Variants in PEX5L observed in about 807,000 individuals in gnomAD.
The protein encoded by PEX5L is peroxisomal biogenesis factor 5 like.
Under a neutral mutation model 84.0 loss-of-function variants are expected in PEX5L, and 30 were observed. That is an observed-to-expected ratio of 0.36 (90% CI 0.27 to 0.48). PEX5L has a LOEUF of 0.48. Among genes scored for constraint, PEX5L ranks in the 20% least tolerant of loss-of-function variants. The pLI, the probability that PEX5L is intolerant of heterozygous loss-of-function variation, is 0.99. For missense variants in PEX5L, 533 were observed against 754.6 expected, an observed-to-expected ratio of 0.71 and a Z score of 3.44; for synonymous variants, 270 against 283.1, an observed-to-expected ratio of 0.95 and a Z score of 0.46.
chr3:179,923,465 G>T (rs931024018), intron 2 of PEX5L, among the ~76,000 whole-genome samples: 1 of 152,130 alleles, frequency 6.6e-6, no homozygotes, highest in Non-Finnish European at 1.5e-5. Flanking sequence ...AGCAGCCTCA[G>T]CATCAGCATC....
intron 1 of PEX5L, among the ~76,000 whole-genome samples, chr3:179,983,891 T>C (rs12492673): frequency 0.16 from 24,063 of 151,974 alleles, 2,232 homozygotes; most frequent in Admixed American, 0.24. Context: ...TATTGTATAA[T>C]GAAGTATGAC....
intron 1 of PEX5L, among the ~76,000 whole-genome samples, chr3:180,030,413 C>T (rs1356447958): frequency 6.6e-6 from 1 of 152,156 alleles, no homozygotes; most frequent in Non-Finnish European, 1.5e-5. Context: ...AACTTTTTAC[C>T]TTACCCTAAC....
intron 2 of PEX5L, among the ~76,000 whole-genome samples, chr3:179,951,314 T>C (rs1004952451): frequency 1.3e-5 from 2 of 152,192 alleles, no homozygotes; most frequent in Non-Finnish European, 2.9e-5. Flanking sequence ...CTTAGTAACA[T>C]GGTTTTCAGG....
intron 14 of PEX5L, among the ~76,000 whole-genome samples, chr3:179,802,550 A>AAAG (rs1553813981): frequency 0.082 from 10,586 of 129,714 alleles, 547 homozygotes; most frequent in African/African-American, 0.16. Context: ...AAAAAAAAAA[A>AAAG]AAAAGAAAAG....
At chr3:179,824,464 G>A (rs1319663864) in intron 8 of PEX5L, among the ~76,000 whole-genome samples, 1 of 152,150 alleles carries the variant, frequency 6.6e-6, no homozygotes, top group Non-Finnish European at 1.5e-5. Context: ...CCAAGACTTT[G>A]GGAGACTGAG....
At position 179,797,605 on chromosome 3, in the gene PEX5L, A is replaced by AAATATATATATATATATATATATAT. The variant is rs1553807980; in HGVS notation, c.*4222_*4223insATATATATATATATATATATATATT. On this transcript the variant is annotated 3_prime_UTR_variant, in exon 15 of 15. Coordinates refer to ENST00000467460, the MANE Select transcript of PEX5L (RefSeq NM_016559.3). ...AACACTCTTTAAAAAAAAAAAAAAA[A>AAATATATATATATATATATATATAT]ATATATATATATATATATATATATA... 1 of 89,160 alleles carries AAATATATATATATATATATATATAT rather than the reference A, an allele frequency of 1.1e-5. No homozygotes were observed. Among genetic ancestry groups the AAATATATATATATATATATATATAT allele is most frequent in the African/African-American group, 4.5e-5 (1 of 22,218 alleles). 5.5% of individuals were successfully genotyped at this position (89,160 alleles called of 1,614,324 possible). A position where few individuals can be genotyped will look rare whatever the true frequency, so the allele number is the denominator to read the frequency against.
intron 4 of PEX5L, 45 bp from the exon 5 acceptor site, chr3:179,880,168 G>C: frequency 8.2e-7 from 1 of 1,224,454 alleles, no homozygotes; most frequent in East Asian, 2.4e-5. Context: ...TTACTACTCT[G>C]AAATTATTTA....
At chr3:179,887,589 TA>T (rs1756301006) in intron 4 of PEX5L, 83 bp downstream of exon 4, 1 of 875,740 alleles carries the variant, frequency 1.1e-6, no homozygotes, top group Non-Finnish European at 1.9e-6. Context: ...TTTCCTCACT[TA>T]AAATGTATTA....
At chr3:180,021,193 G>A (rs989255712) in intron 1 of PEX5L, among the ~76,000 whole-genome samples, 5 of 152,122 alleles carry the variant, frequency 3.3e-5, no homozygotes, top group Admixed American at 2.0e-4. Flanking sequence ...TGGGTGACCC[G>A]GTCAGAGAGA....
chr3:179,954,531 T>C (rs1251081510), intron 2 of PEX5L, among the ~76,000 whole-genome samples: 1 of 152,140 alleles, frequency 6.6e-6, no homozygotes, highest in East Asian at 1.9e-4. Context: ...TTTTTGTTTG[T>C]TTGTTAATGT....
In PEX5L at chr3:179,874,732, T is replaced by TG. The variant is rs1553873283; in HGVS notation, c.630-310_630-309insC. 3.2e-4 allele frequency among the ~76,000 whole-genome samples: 21 copies of TG among 65,242 alleles called. 1 individual carries two copies. The highest frequency in any genetic ancestry group is 6.6e-4 in the South Asian group (1 of 1,510). The allele number at this position is 65,242 out of a possible 152,430, so 42.8% of individuals were successfully genotyped here. On this transcript the variant is annotated intron_variant, in intron 6 of 14. Transcript: ENST00000467460. Reference sequence around the variant, plus strand: ...GTTTCATAAAAAAATTATGGTTTTTTTTTTTGTTTTTTTTTTTTTTTTTTT... The same window carrying TG: ...GTTTCATAAAAAAATTATGGTTTTTTGTTTTTGTTTTTTTTTTTTTTTTTTT...
chr3:179,940,487 G>T (rs1441520984), intron 2 of PEX5L, among the ~76,000 whole-genome samples: 1 of 152,120 alleles, frequency 6.6e-6, no homozygotes, highest in Non-Finnish European at 1.5e-5. Context: ...GATCCCCTTA[G>T]TTGCCACTAT....
At chr3:179,834,494 C>T (rs1243030317) in intron 8 of PEX5L, among the ~76,000 whole-genome samples, 2 of 152,196 alleles carry the variant, frequency 1.3e-5, no homozygotes, top group Non-Finnish European at 2.9e-5. Flanking sequence ...CATGGCTGGG[C>T]TCCTTTGCTG....
At chr3:179,997,314 G>A (rs1042035202) in intron 1 of PEX5L, among the ~76,000 whole-genome samples, 2 of 152,160 alleles carry the variant, frequency 1.3e-5, no homozygotes, top group Non-Finnish European at 2.9e-5. Context: ...GGCTTATGGA[G>A]GTCAGGTAAT....
At chr3:179,983,835 A>T (rs1786558000) in intron 1 of PEX5L, among the ~76,000 whole-genome samples, 1 of 152,076 alleles carries the variant, frequency 6.6e-6, no homozygotes, top group Admixed American at 6.5e-5. Context: ...ATAGTTAAAG[A>T]CGTTTCTGAT....
At chr3:179,895,006 C>A (rs1326640044) in intron 3 of PEX5L, among the ~76,000 whole-genome samples, 1 of 152,030 alleles carries the variant, frequency 6.6e-6, no homozygotes, top group East Asian at 1.9e-4. Context: ...ACGGCTTTCC[C>A]TTCTATTCTC....
At chr3:180,012,454 A>T (rs1041572060) in intron 1 of PEX5L, among the ~76,000 whole-genome samples, 7 of 152,142 alleles carry the variant, frequency 4.6e-5, no homozygotes, top group African/African-American at 1.7e-4. Flanking sequence ...TTTATTTTTT[A>T]AAAAAGGAAA....
chr3:179,816,675 G>GT (rs1406993263), intron 9 of PEX5L, among the ~76,000 whole-genome samples: 2 of 152,012 alleles, frequency 1.3e-5, no homozygotes, highest in African/African-American at 4.8e-5. Flanking sequence ...ACCATGGCAC[G>GT]TGTATACCTA....
intron 7 of PEX5L, among the ~76,000 whole-genome samples, chr3:179,862,317 C>A (rs530287721): frequency 6.6e-6 from 1 of 152,324 alleles, no homozygotes; most frequent in Admixed American, 6.5e-5. Context: ...CACCATTCAG[C>A]CAACTACAAC....
Sources: gnomAD v4.1 joint callset for allele counts (sites outside exome capture counted in the v4.1 genomes callset) on GRCh38, gnomAD v4.1.1 for gene constraint, MANE v1.5 for transcripts, NCBI Gene and HGNC (gene_info 2026-07-23, HGNC 2026-07-21) for gene names.